The following GRHL2 variants were observed in gnomAD, a reference collection of about 807,000 sequenced individuals.
GRHL2 encodes grainyhead-like protein 2 homolog.
In GRHL2, 21 loss-of-function variants were observed where a neutral mutation model predicts 83.8. The ratio of observed to expected loss-of-function variants is 0.25; its 90% CI spans 0.18 to 0.36. The LOEUF is 0.36. Ranked by LOEUF, GRHL2 falls within the 10% of genes least tolerant of loss-of-function variation. The pLI, the probability that GRHL2 is intolerant of heterozygous loss-of-function variation, is 1.00. For missense variants in GRHL2, 623 were observed against 781.8 expected (o/e 0.80, Z 2.42); for synonymous variants, 280 against 278.9 (o/e 1.00, Z -0.04).
chr8:101,504,904 A>G (rs1810305487), intron 1 of GRHL2, among the ~76,000 whole-genome samples: 1 of 151,998 alleles, frequency 6.6e-6, no homozygotes, highest in Admixed American at 6.5e-5. Flanking sequence ...CAGGGAACAA[A>G]AAGTACCTGA....
At chr8:101,579,677 A>T (rs1812009510) in intron 7 of GRHL2, among the ~76,000 whole-genome samples, 1 of 152,238 alleles carries the variant, frequency 6.6e-6, no homozygotes, top group Non-Finnish European at 1.5e-5. Context: ...TTCTTCTGCT[A>T]GATTAAAAAA....
At chr8:101,615,364 A>T (rs1242807415) in intron 8 of GRHL2, among the ~76,000 whole-genome samples, 1 of 152,144 alleles carries the variant, frequency 6.6e-6, no homozygotes, top group East Asian at 1.9e-4. Context: ...TGCCTGTCTG[A>T]GTGTATGTAT....
intron 12 of GRHL2, among the ~76,000 whole-genome samples, chr8:101,640,217 GTT>G (rs1019338958): frequency 6.6e-6 from 1 of 152,114 alleles, no homozygotes; most frequent in Non-Finnish European, 1.5e-5. Context: ...TAGAGTCTCA[GTT>G]TTCTCATCTA....
chr8:101,677,866 C>A, the GRHL2 span, among the ~76,000 whole-genome samples: 1 of 152,072 alleles, frequency 6.6e-6, no homozygotes, highest in Admixed American at 6.5e-5. Flanking sequence ...CTGTAGAGAA[C>A]CCTGCTTGAA....
In GRHL2 at chr8:101,666,817, T is replaced by A; in HGVS notation, c.*114T>A. On this transcript the variant is annotated 3_prime_UTR_variant, in exon 16 of 16. Transcript: ENST00000646743. ...CATCTCCCCCATCTCACAACTGCTG[T>A]TACAAGACCGTGCTGGGGAGTGGGG... is the stretch of plus-strand genomic sequence containing the variant. 4.0e-6 allele frequency: 3 copies of A among 741,138 alleles called. No homozygotes were observed. The South Asian group carries it at 4.4e-5, about 11-fold the overall frequency. 45.9% of individuals were successfully genotyped at this position (741,138 alleles called of 1,614,324 possible). A position where few individuals can be genotyped will look rare whatever the true frequency, so the allele number is the denominator to read the frequency against.
rs1025173744 is a variant in GRHL2, at chr8:101,661,959, A to G, written c.1699-2495A>G. On this transcript the variant is annotated intron_variant, in intron 14 of 15. Coordinates refer to ENST00000646743, the MANE Select transcript of GRHL2 (RefSeq NM_024915.4). ...TTTCTTCTTTTCCGTCATGATTTCC[A>G]TCTATGCTCTATCCTTTTGCTTTGC... Among the ~76,000 whole-genome samples the G allele has an allele frequency of 3.9e-5, 6 of 152,176 alleles. 1 individual carries two copies. Among genetic ancestry groups the G allele is most frequent in the African/African-American group, 7.2e-5 (3 of 41,426 alleles).
At chr8:101,507,523 C>G (rs186151777) in intron 1 of GRHL2, among the ~76,000 whole-genome samples, 184 of 152,120 alleles carry the variant, frequency 1.2e-3, no homozygotes, top group African/African-American at 4.1e-3. Context: ...TATTTTTACT[C>G]CCTTTTCTGT....
intron 7 of GRHL2, among the ~76,000 whole-genome samples, chr8:101,594,097 A>AAG (rs1563597727): frequency 2.2e-5 from 2 of 90,108 alleles, no homozygotes; most frequent in African/African-American, 5.1e-5. Flanking sequence ...AAAAAAAAAA[A>AAG]AGAGAGAGAT....
intron 1 of GRHL2, among the ~76,000 whole-genome samples, chr8:101,500,422 T>A (rs1425045855): frequency 6.6e-6 from 1 of 152,200 alleles, no homozygotes; most frequent in East Asian, 1.9e-4. Flanking sequence ...TGTTTATTTT[T>A]CCATTACCAG....
intron 14 of GRHL2, among the ~76,000 whole-genome samples, chr8:101,663,631 A>T (rs10111887): frequency 2.9e-5 from 3 of 104,752 alleles, no homozygotes; most frequent in East Asian, 2.9e-4. Flanking sequence ...ATAAATAAAT[A>T]AATAAATAAA....
intron 4 of GRHL2, chr8:101,562,402 G>T: frequency 1.6e-6 from 1 of 607,768 alleles, no homozygotes; most frequent in South Asian, 2.0e-5. Context: ...TGCAAAATCT[G>T]AACACCTTGC....
At chr8:101,671,464 G>A (rs577493464), downstream of GRHL2, among the ~76,000 whole-genome samples, 108 of 145,120 alleles carry the variant, frequency 7.4e-4, no homozygotes, top group Non-Finnish European at 1.2e-3. Context: ...TGCTGGGGGA[G>A]GGGCACCTGC....
At chr8:101,642,047 T>C (rs915165219) in intron 12 of GRHL2, among the ~76,000 whole-genome samples, 19 of 152,192 alleles carry the variant, frequency 1.2e-4, no homozygotes, top group African/African-American at 4.6e-4. Context: ...GTTGAAGCTA[T>C]GGTTGTGAAA....
intron 7 of GRHL2, among the ~76,000 whole-genome samples, chr8:101,597,878 G>A (rs940921461): frequency 2.6e-5 from 4 of 152,046 alleles, no homozygotes; most frequent in Admixed American, 6.5e-5. Flanking sequence ...GAGCAGTGAG[G>A]TTAGATCCGA....
chr8:101,552,745 A>G lies in GRHL2; in HGVS notation c.247A>G (p.Ser83Gly). 1 of 1,614,140 alleles carries G rather than the reference A, an allele frequency of 6.2e-7. No individual in the cohort carries two copies. The highest frequency in any genetic ancestry group is 8.5e-7 in the Non-Finnish European group (1 of 1,180,010). Reference sequence around the variant, plus strand: ...TCGAGACAAGAGGCTGCTGTCTGTAAGCAAAGCAAGTGACAGCCAAGAAGA... The same window carrying G: ...TCGAGACAAGAGGCTGCTGTCTGTAGGCAAAGCAAGTGACAGCCAAGAAGA... ...VPRDKRLLSV[S>G]KASDSQEDQE... The change falls in exon 3 of 16, where the codon AGC becomes GGC. Residue 83 changes from serine to glycine, a missense_variant. By Grantham distance (56) the Ser-to-Gly change is moderately conservative. Transcript: ENST00000646743.
intron 4 of GRHL2, chr8:101,562,541 T>C (rs1338687367): frequency 4.1e-6 from 1 of 243,872 alleles, no homozygotes; most frequent in African/African-American, 2.3e-5. Context: ...AGAGGTGATG[T>C]AATTTTTATA....
chr8:101,500,764 G>A (rs1810211734), intron 1 of GRHL2, among the ~76,000 whole-genome samples: 1 of 152,096 alleles, frequency 6.6e-6, no homozygotes, highest in African/African-American at 2.4e-5. Flanking sequence ...ATTCACCTTG[G>A]CCTCCCAAAG....
intron 7 of GRHL2, among the ~76,000 whole-genome samples, chr8:101,586,096 G>A (rs1310808061): frequency 2.4e-5 from 2 of 81,870 alleles, no homozygotes; most frequent in African/African-American, 1.1e-4. Flanking sequence ...TTTTTGAGAC[G>A]GAGTCTCGCT....
chr8:101,659,336 T>C (rs947470421), intron 14 of GRHL2, among the ~76,000 whole-genome samples: 1 of 152,218 alleles, frequency 6.6e-6, no homozygotes, highest in African/African-American at 2.4e-5. Flanking sequence ...TTGAGGTTAG[T>C]GAAAATAAAG....
Sources: gnomAD v4.1 joint callset for allele counts (sites outside exome capture counted in the v4.1 genomes callset) on GRCh38, gnomAD v4.1.1 for gene constraint, MANE v1.5 for transcripts, NCBI Gene and HGNC (gene_info 2026-07-23, HGNC 2026-07-21) for gene names.